The following AGBL4 variants were observed in gnomAD, a reference collection of about 807,000 sequenced individuals.
The protein encoded by AGBL4 is AGBL carboxypeptidase 4.
A neutral mutation model predicts 66.4 loss-of-function variants in AGBL4; 58 were observed. The ratio of observed to expected loss-of-function variants is 0.87; its 90% CI spans 0.71 to 1.09. AGBL4 has a LOEUF of 1.09. AGBL4 is among the 50% of genes least tolerant of loss of function. The pLI is 0.00. For missense variants in AGBL4, 579 were observed against 631.0 expected (o/e 0.92, Z 0.88); for synonymous variants, 234 against 222.9 (o/e 1.05, Z -0.44).
At chr1:49,598,727 G>C (rs1334375175) in intron 3 of AGBL4, among the ~76,000 whole-genome samples, 2 of 152,160 alleles carry the variant, frequency 1.3e-5, no homozygotes, top group Admixed American at 1.3e-4. Context: ...CGTGCTGGGA[G>C]AACCACTGCT....
intron 3 of AGBL4, among the ~76,000 whole-genome samples, chr1:49,646,350 T>C (rs1645887610): frequency 6.6e-6 from 1 of 152,004 alleles, no homozygotes; most frequent in Non-Finnish European, 1.5e-5. Flanking sequence ...GATTGCAGGA[T>C]ACAAGATCAA....
At chr1:48,702,278 G>GTT (rs569206365) in intron 6 of AGBL4, among the ~76,000 whole-genome samples, 2 of 150,156 alleles carry the variant, frequency 1.3e-5, no homozygotes, top group South Asian at 4.2e-4. Context: ...CTTCTTCTTT[G>GTT]TTTTTTTTTG....
intron 6 of AGBL4, among the ~76,000 whole-genome samples, chr1:48,753,352 T>G (rs1652053515): frequency 6.6e-6 from 1 of 152,186 alleles, no homozygotes; most frequent in African/African-American, 2.4e-5. Flanking sequence ...ACAGCTGAGA[T>G]TCAAACCCAA....
chr1:49,250,738 G>A (rs1218564478), intron 3 of AGBL4, among the ~76,000 whole-genome samples: 2 of 152,184 alleles, frequency 1.3e-5, no homozygotes, highest in South Asian at 2.1e-4. Flanking sequence ...ACTGTGGCTA[G>A]CACAGAACTC....
chr1:49,693,632 T>C (rs1021313598), intron 3 of AGBL4, among the ~76,000 whole-genome samples: 2 of 152,100 alleles, frequency 1.3e-5, no homozygotes, highest in African/African-American at 4.8e-5. Flanking sequence ...TTTTCTCTGC[T>C]TCAAATAATT....
At chr1:48,676,741 G>T (rs1300515929) in intron 6 of AGBL4, among the ~76,000 whole-genome samples, 7 of 152,060 alleles carry the variant, frequency 4.6e-5, no homozygotes, top group Non-Finnish European at 8.8e-5. Flanking sequence ...TAATACACTG[G>T]CAAGAAACAC....
intron 3 of AGBL4, among the ~76,000 whole-genome samples, chr1:49,657,002 G>A (rs1348530551): frequency 1.7e-4 from 26 of 152,148 alleles, no homozygotes; most frequent in Non-Finnish European, 2.9e-5. Flanking sequence ...GGAAGTTCTG[G>A]CCAGAGCAAT....
chr1:49,694,610 C>A (rs914306360), intron 3 of AGBL4, among the ~76,000 whole-genome samples: 2 of 152,084 alleles, frequency 1.3e-5, no homozygotes, highest in South Asian at 2.1e-4. Flanking sequence ...CAAAACAGAC[C>A]CAACTCTCTT....
At chr1:49,946,595 C>G (rs1258427792) in intron 1 of AGBL4, among the ~76,000 whole-genome samples, 2 of 151,898 alleles carry the variant, frequency 1.3e-5, no homozygotes, top group African/African-American at 4.8e-5. Context: ...TAAACACCTA[C>G]ATCAAAAAGT....
intron 2 of AGBL4, among the ~76,000 whole-genome samples, chr1:49,823,342 G>A (rs1314504290): frequency 1.3e-5 from 2 of 152,260 alleles, no homozygotes; most frequent in East Asian, 3.9e-4. Context: ...ATGTCATAAA[G>A]TAACACCATC....
intron 6 of AGBL4, among the ~76,000 whole-genome samples, chr1:48,848,523 G>A (rs1558037759): frequency 6.6e-6 from 1 of 151,984 alleles, no homozygotes; most frequent in African/African-American, 2.4e-5. Flanking sequence ...TAGGTACAGG[G>A]GAAAAATAAC....
At chr1:49,105,818 T>C (rs1645282368) in intron 4 of AGBL4, among the ~76,000 whole-genome samples, 1 of 152,204 alleles carries the variant, frequency 6.6e-6, no homozygotes, top group African/African-American at 2.4e-5. Flanking sequence ...TAGCACAGTG[T>C]CTGACACAAT....
intron 2 of AGBL4, among the ~76,000 whole-genome samples, chr1:49,846,664 G>T (rs1179600866): frequency 6.6e-6 from 1 of 151,926 alleles, no homozygotes; most frequent in East Asian, 1.9e-4. Context: ...AACTCAAGGA[G>T]GCAACCCCAT....
intron 2 of AGBL4, among the ~76,000 whole-genome samples, chr1:49,816,471 G>T (rs1306775494): frequency 6.6e-6 from 1 of 152,136 alleles, no homozygotes; most frequent in Admixed American, 6.5e-5. Flanking sequence ...TTCATATCTA[G>T]ATTTTATCCA....
chr1:49,326,872 T>C (rs2148484786), intron 3 of AGBL4, among the ~76,000 whole-genome samples: 1 of 152,346 alleles, frequency 6.6e-6, no homozygotes, highest in Middle Eastern at 3.4e-3. Flanking sequence ...TTAAACAGTT[T>C]TGAAGGTAAG....
chr1:49,729,928 C>G (rs1649304986), intron 2 of AGBL4, among the ~76,000 whole-genome samples: 1 of 152,172 alleles, frequency 6.6e-6, no homozygotes. Context: ...ATGAGCTGAG[C>G]TGCCAGTCCC....
At chr1:48,523,444 T>C in the AGBL4 span, among the ~76,000 whole-genome samples, 1 of 152,312 alleles carries the variant, frequency 6.6e-6, no homozygotes, top group East Asian at 1.9e-4. Context: ...TAATGCTTAA[T>C]TCCATTCTGT....
chr1:48,734,171 G>A (rs1010102113), intron 6 of AGBL4, among the ~76,000 whole-genome samples: 12 of 152,116 alleles, frequency 7.9e-5, no homozygotes, highest in African/African-American at 2.4e-4. Context: ...AAAAATAAGC[G>A]GCTGCCTAAA....
intron 5 of AGBL4, among the ~76,000 whole-genome samples, chr1:48,907,014 G>A (rs1167083792): frequency 6.6e-6 from 1 of 152,192 alleles, no homozygotes. Flanking sequence ...ACAAGAACTG[G>A]TGACATCTGG....
Sources: gnomAD v4.1 joint callset for allele counts (sites outside exome capture counted in the v4.1 genomes callset) on GRCh38, gnomAD v4.1.1 for gene constraint, MANE v1.5 for transcripts, NCBI Gene and HGNC (gene_info 2026-07-23, HGNC 2026-07-21) for gene names.